Variants in KRIT1 observed in about 807,000 individuals in gnomAD.
KRIT1 encodes KRIT1 ankyrin repeat containing.
Under a neutral mutation model 95.8 loss-of-function variants are expected in KRIT1, and 45 were observed. The observed-to-expected ratio is 0.47, with a 90% confidence interval of 0.37 to 0.60. The LOEUF (loss-of-function observed/expected upper bound fraction) is 0.60. Ranked by LOEUF, KRIT1 falls within the 20% of genes least tolerant of loss-of-function variation. The pLI, the probability that KRIT1 is intolerant of heterozygous loss-of-function variation, is 0.00. For missense variants in KRIT1, 788 were observed against 877.5 expected (o/e 0.90, Z 1.29); for synonymous variants, 282 against 278.8 (o/e 1.01, Z -0.11).
chr7:92,201,576 T>C (rs1191044243), intron 17 of KRIT1, 153 bp from the exon 18 acceptor site: 3 of 609,634 alleles, frequency 4.9e-6, no homozygotes, highest in Non-Finnish European at 8.8e-6. Flanking sequence ...GGGGTACACG[T>C]GCAGAATGTG....
chr7:92,201,214 T>C, intron 18 of KRIT1, 93 bp downstream of exon 18: 1 of 751,198 alleles, frequency 1.3e-6, no homozygotes, highest in Non-Finnish European at 2.4e-6. Flanking sequence ...TATTACAGGT[T>C]TTCCTTGAAG....
chr7:92,209,559 C>T (rs761669725), intron 17 of KRIT1, among the ~76,000 whole-genome samples: 3 of 151,876 alleles, frequency 2.0e-5, no homozygotes, highest in East Asian at 1.9e-4. Flanking sequence ...TTCTATACAC[C>T]GATAATGAAC....
Position 92,201,393 on chromosome 7 carries a change from A to C in KRIT1, c.2056T>G (p.Phe686Val), listed in dbSNP as rs1380243267. ...ALLISLKYGC[F>V]MWQLGDTDTC... ...TCAGTATCTCCCAATTGCCACATAA[A>C]ACAACCATACTTAAGACTGATGAGT... Residue 686 changes from phenylalanine to valine, a missense_variant, in exon 18 of 19, where the codon TTT (phenylalanine) becomes GTT (valine). By Grantham distance (50) the Phe-to-Val change is conservative (BLOSUM62 -1). Around this residue, in one of 3 missense-constraint regions of KRIT1, gnomAD observed 493 missense variants for 582.3 expected, o/e 0.85. Coordinates refer to ENST00000394505, the MANE Select transcript of KRIT1 (RefSeq NM_194454.3). 6.3e-7 allele frequency: 1 copy of C among 1,590,784 alleles called. No individual in the cohort carries two copies. Among genetic ancestry groups the C allele is most frequent in the Non-Finnish European group, 8.6e-7 (1 of 1,158,860 alleles).
Position 92,235,534 on chromosome 7 carries a change from C to T in KRIT1, c.598G>A (p.Gly200Ser), listed in dbSNP as rs1563306362. The stretch of plus-strand genomic sequence containing the variant: ...ATATGTAGTGAGTTTTCTGTCTGAC[C>T]TGATTCAGTAGCATATGCAGGATTT... ...VINPAYATES[G>S]QTENSLHMGY... is the part of the protein sequence containing the mutation. The change falls in exon 8 of 19, where the codon GGT becomes AGT. Residue 200 changes from glycine (G) to serine (S), a missense_variant. This residue lies in a region of KRIT1 where 289 missense variants were observed against 277.5 expected (regional missense o/e 1.04). Transcript: ENST00000394505. The T allele has an allele frequency of 6.2e-7, 1 of 1,613,886 alleles. No homozygotes were observed. Among genetic ancestry groups the T allele is most frequent in the East Asian group, 2.2e-5 (1 of 44,820 alleles).
chr7:92,233,026 C>T (rs1280863804), intron 10 of KRIT1, among the ~76,000 whole-genome samples: 1 of 152,034 alleles, frequency 6.6e-6, no homozygotes, highest in Non-Finnish European at 1.5e-5. Flanking sequence ...TTTTTGCCGC[C>T]AGTATTTTCT....
chr7:92,203,034 C>T (rs576503050), intron 17 of KRIT1, among the ~76,000 whole-genome samples: 13 of 152,108 alleles, frequency 8.5e-5, no homozygotes, highest in African/African-American at 3.1e-4. Context: ...GTTCAATATA[C>T]AGAAAAAAAT....
intron 17 of KRIT1, 31 bp from the exon 18 acceptor site, chr7:92,201,454 AATAC>A (rs1790115411): frequency 9.9e-7 from 1 of 1,014,376 alleles, no homozygotes; most frequent in Admixed American, 1.7e-5. Flanking sequence ...ACTATATTGA[AATAC>A]ATATTAAAAA....
At position 92,225,816 on chromosome 7, in the gene KRIT1, G is replaced by C. The variant is rs765784940; in HGVS notation, c.1158C>G (p.Asp386Glu). 6.3e-7 allele frequency: 1 copy of C among 1,591,848 alleles called. No homozygotes were observed. Among genetic ancestry groups the C allele is most frequent in the East Asian group, 2.2e-5 (1 of 44,736 alleles). ...NHPETDRHIT[D>E]QQGRSPLNIC... Reference sequence around the variant, plus strand: ...TATTTAATGGAGATCTTCCTTGTTGGTCTGTTATATGCTAGAAATGTGGGT... The same window carrying C: ...TATTTAATGGAGATCTTCCTTGTTGCTCTGTTATATGCTAGAAATGTGGGT... The change falls in exon 12 of 19, where the codon GAC becomes GAG. Residue 386 changes from aspartate to glutamate, a missense_variant. By Grantham distance (45) the Asp-to-Glu change is conservative. Coordinates refer to ENST00000394505, the MANE Select transcript of KRIT1 (RefSeq NM_194454.3).
chr7:92,223,165 C>T (rs1374102823), intron 12 of KRIT1, among the ~76,000 whole-genome samples, 187 bp from the exon 13 acceptor site: 1 of 151,464 alleles, frequency 6.6e-6, no homozygotes, highest in Non-Finnish European at 1.5e-5. Context: ...CGCGGTGGCT[C>T]ACGCCTATAA....
intron 3 of KRIT1, among the ~76,000 whole-genome samples, chr7:92,243,657 T>G (rs1187661274): frequency 6.6e-6 from 1 of 152,210 alleles, no homozygotes; most frequent in Admixed American, 6.5e-5. Context: ...GCCTTATGAT[T>G]GTAAAATTAC....
chr7:92,210,512 C>T (rs886264368), intron 17 of KRIT1, among the ~76,000 whole-genome samples: 1 of 152,170 alleles, frequency 6.6e-6, no homozygotes, highest in Non-Finnish European at 1.5e-5. Context: ...CTCCATCTCT[C>T]ACCATATACA....
rs1403281988 is a variant in KRIT1 at position 92,199,567 on chromosome 7, T to C, written c.*1169A>G. 6.6e-5 allele frequency: 10 copies of C among 152,172 alleles called. No homozygotes were observed. Among genetic ancestry groups the C allele is most frequent in the Admixed American group, 5.9e-4 (9 of 15,278 alleles). The allele number at this position is 152,172 out of a possible 1,614,324, so 9.4% of individuals were successfully genotyped here. A position where few individuals can be genotyped will look rare whatever the true frequency, so the allele number is the denominator to read the frequency against. Reference sequence around the variant, plus strand: ...TTTACTTCCTACAAAGCAAAGTCAATATACATAAACTATTAAGTCAACTCA... The same window carrying C: ...TTTACTTCCTACAAAGCAAAGTCAACATACATAAACTATTAAGTCAACTCA... On this transcript the variant is annotated 3_prime_UTR_variant, in exon 19 of 19. Coordinates refer to ENST00000394505, the MANE Select transcript of KRIT1 (RefSeq NM_194454.3).
chr7:92,234,981 CAT>C, intron 8 of KRIT1, 58 bp from the exon 9 acceptor site: 3 of 830,176 alleles, frequency 3.6e-6, no homozygotes, highest in African/African-American at 1.7e-5. Flanking sequence ...TTAATGTTTA[CAT>C]GTTTATATTT....
rs1379723941 is a variant in KRIT1, at chr7:92,245,882, C to T, written c.-513G>A. Reference sequence around the variant, plus strand: ...TACGGGGTCCCAGGTCTTCAAAGGCCTTAGCTTTCCACCCCGCCGTTACCG... The same window carrying T: ...TACGGGGTCCCAGGTCTTCAAAGGCTTTAGCTTTCCACCCCGCCGTTACCG... On this transcript the variant is annotated 5_prime_UTR_variant, in exon 1 of 19. Transcript: ENST00000394505. 11 of 232,540 alleles carry T rather than the reference C, an allele frequency of 4.7e-5. No individual in the cohort carries two copies. The highest frequency in any genetic ancestry group is 5.9e-5 in the Non-Finnish European group (7 of 117,978). 14.4% of individuals were successfully genotyped at this position (232,540 alleles called of 1,614,324 possible).
chr7:92,235,953 T>C (rs1271295976), intron 7 of KRIT1: 1 of 266,300 alleles, frequency 3.8e-6, no homozygotes, highest in Non-Finnish European at 7.2e-6. Flanking sequence ...GTTTTGTTAA[T>C]GGATACAGCA....
intron 5 of KRIT1, among the ~76,000 whole-genome samples, chr7:92,238,969 C>T (rs1798998726): frequency 6.6e-6 from 1 of 152,178 alleles, no homozygotes; most frequent in Admixed American, 6.5e-5. Flanking sequence ...AGCCTAACTA[C>T]TGCTAATAGT....
chr7:92,228,845 T>C (rs1046001738), intron 10 of KRIT1, among the ~76,000 whole-genome samples: 2 of 152,192 alleles, frequency 1.3e-5, no homozygotes, highest in Non-Finnish European at 2.9e-5. Flanking sequence ...ACGTGGCATT[T>C]TCTGTTCCTG....
chr7:92,245,991 G>A, upstream of KRIT1: 1 of 235,024 alleles, frequency 4.3e-6, no homozygotes. Flanking sequence ...CGGCCGGGCT[G>A]CTGCCGTTCC....
At position 92,231,389 on chromosome 7, in the gene KRIT1, T is replaced by C. The variant is rs1056327522; in HGVS notation, c.989+3060A>G. Among the ~76,000 whole-genome samples, 8 of 152,322 alleles carry C rather than the reference T, an allele frequency of 5.3e-5. No homozygotes were observed. The South Asian group carries it at 8.3e-4, about 16-fold the overall frequency. The stretch of plus-strand genomic sequence containing the variant: ...AATATTTTTCAGTTTCTATTTCTAA[T>C]ATCTTAACACTGGATTTAATCCACA... On this transcript the variant is annotated intron_variant, in intron 10 of 18. Coordinates refer to ENST00000394505, the MANE Select transcript of KRIT1 (RefSeq NM_194454.3).
Sources: allele counts gnomAD v4.1 joint callset (sites outside exome capture counted in the v4.1 genomes callset), GRCh38; gene constraint gnomAD v4.1.1; regional missense constraint gnomAD v4.1.1; transcripts MANE v1.5; gene names NCBI Gene and HGNC (gene_info 2026-07-23, HGNC 2026-07-21).